Variants in TMC1 observed in about 807,000 individuals in gnomAD.
TMC1 encodes transmembrane channel like 1.
A neutral mutation model predicts 105.8 loss-of-function variants in TMC1; 84 were observed. The ratio of observed to expected loss-of-function variants is 0.79; its 90% CI spans 0.67 to 0.95. The LOEUF (loss-of-function observed/expected upper bound fraction) is 0.95. Among genes scored for constraint, TMC1 ranks in the 40% least tolerant of loss-of-function variants. TMC1 has a pLI of 0.00. For synonymous variants in TMC1, 315 were observed against 311.5 expected, an observed-to-expected ratio of 1.01 and a Z score of -0.12; for missense variants, 817 against 914.1, an observed-to-expected ratio of 0.89 and a Z score of 1.37.
intron 5 of TMC1, among the ~76,000 whole-genome samples, chr9:72,685,079 C>T (rs931656048): frequency 2.7e-5 from 4 of 150,328 alleles, no homozygotes. Flanking sequence ...TAATCTCAAA[C>T]CTTACTGTTA....
intron 8 of TMC1, among the ~76,000 whole-genome samples, chr9:72,716,528 C>G (rs1231544237): frequency 6.6e-6 from 1 of 152,148 alleles, no homozygotes; most frequent in Admixed American, 6.5e-5. Flanking sequence ...GAGCTTCGTC[C>G]AGTTTGAACT....
chr9:72,807,457 A>G (rs1828624097), intron 18 of TMC1, among the ~76,000 whole-genome samples: 1 of 152,224 alleles, frequency 6.6e-6, no homozygotes, highest in Admixed American at 6.5e-5. Flanking sequence ...CATGGTTTAC[A>G]ATATTCTAGT....
rs572692784 is a variant in TMC1 at position 72,688,840 on chromosome 9, T to A, written c.64+84T>A. ...AATTTATCCTCTTGTGGACTTGAGC[T>A]ACCATATGTAAGCAGAAGTGTGTGT... On this transcript the variant is annotated intron_variant, in intron 6 of 23. Coordinates refer to ENST00000297784, the MANE Select transcript of TMC1 (RefSeq NM_138691.3). The A allele has an allele frequency of 2.2e-5, 25 of 1,155,196 alleles. No individual in the cohort carries two copies. In the African/African-American group the frequency reaches 2.9e-4, roughly 14 times the overall value. The allele number at this position is 1,155,196 out of a possible 1,614,324, so 71.6% of individuals were successfully genotyped here. A position where few individuals can be genotyped will look rare whatever the true frequency, so the allele number is the denominator to read the frequency against.
intron 1 of TMC1, among the ~76,000 whole-genome samples, chr9:72,561,181 C>T (rs752952734): frequency 2.0e-5 from 3 of 151,906 alleles, no homozygotes; most frequent in Non-Finnish European, 4.4e-5. Context: ...ATTAGCCGGG[C>T]GTGGTGGTGG....
chr9:72,733,000 C>G (rs1192030960), intron 8 of TMC1, among the ~76,000 whole-genome samples: 1 of 152,122 alleles, frequency 6.6e-6, no homozygotes. Flanking sequence ...ATAACTCTCC[C>G]CAAATCACAC....
At chr9:72,823,129 T>A (rs535055269) in intron 20 of TMC1, among the ~76,000 whole-genome samples, 230 of 152,352 alleles carry the variant, frequency 1.5e-3, no homozygotes, top group Non-Finnish European at 2.8e-3. Flanking sequence ...CAGGGAATTT[T>A]AAATATTTTC....
intron 1 of TMC1, among the ~76,000 whole-genome samples, chr9:72,522,160 T>TTTGTTTTTG (rs1199359883): frequency 1.3e-5 from 2 of 150,164 alleles, no homozygotes; most frequent in African/African-American, 2.5e-5. Context: ...ATAAGTTTTT[T>TTTGTTTTTG]TTTTTTTGAG....
intron 8 of TMC1, among the ~76,000 whole-genome samples, chr9:72,702,743 G>A (rs1338030632): frequency 6.6e-6 from 1 of 151,946 alleles, no homozygotes; most frequent in East Asian, 1.9e-4. Flanking sequence ...AGGAAGTAAG[G>A]CATTTGACAA....
intron 13 of TMC1, among the ~76,000 whole-genome samples, chr9:72,774,899 C>G (rs1037673494): frequency 6.6e-6 from 1 of 152,196 alleles, no homozygotes; most frequent in African/African-American, 2.4e-5. Flanking sequence ...TTATGACATA[C>G]ATTACTCAAA....
intron 5 of TMC1, among the ~76,000 whole-genome samples, chr9:72,652,458 G>T (rs1825828225): frequency 6.6e-6 from 1 of 152,168 alleles, no homozygotes; most frequent in East Asian, 1.9e-4. Flanking sequence ...GCATTTAGAG[G>T]TGGGTGGAGG....
chr9:72,642,860 T>A (rs1430166997), intron 4 of TMC1, among the ~76,000 whole-genome samples: 1 of 152,204 alleles, frequency 6.6e-6, no homozygotes, highest in African/African-American at 2.4e-5. Context: ...AGAATAATTC[T>A]CTCGTCTCCC....
At chr9:72,625,643 G>A (rs905885894) in intron 3 of TMC1, among the ~76,000 whole-genome samples, 1 of 149,762 alleles carries the variant, frequency 6.7e-6, no homozygotes, top group African/African-American at 2.5e-5. Context: ...AGCTGAGATC[G>A]CGCCACTGTG....
chr9:72,837,387 C>G lies in TMC1; in HGVS notation c.*1414C>G, dbSNP rs1829142193. ...TAGTTTAACCACCACCTGACCATCA[C>G]CAAATGGTCACCTGACATTCCTGTG... On this transcript the variant is annotated 3_prime_UTR_variant, in exon 24 of 24. Transcript: ENST00000297784. 1 of 152,196 alleles carries G rather than the reference C, an allele frequency of 6.6e-6. No individual in the cohort carries two copies. The highest frequency in any genetic ancestry group is 2.4e-5 in the African/African-American group (1 of 41,444). 9.4% of individuals were successfully genotyped at this position (152,196 alleles called of 1,614,324 possible).
At chr9:72,824,663 G>A (rs966469849) in intron 20 of TMC1, among the ~76,000 whole-genome samples, 2 of 152,164 alleles carry the variant, frequency 1.3e-5, no homozygotes, top group Non-Finnish European at 2.9e-5. Context: ...AGTGTGTGCT[G>A]ACTGGTTTGT....
Position 72,754,807 on chromosome 9 carries a change from G to T in TMC1, c.664G>T (p.Gly222Cys). The T allele has an allele frequency of 6.2e-7, 1 of 1,613,958 alleles. No homozygotes were observed. ...ACAGTACCTCTGGGGTTTGCCATAT[G>T]GCAGTTTACCTAGGAAAACCGTTCC... ...LPEYLWGLPY[G>C]SLPRKTVPRA... Residue 222 changes from glycine (G) to cysteine (C), a missense_variant, in exon 12 of 24, where the codon GGC (glycine) becomes TGC (cysteine). Coordinates refer to ENST00000297784, the MANE Select transcript of TMC1 (RefSeq NM_138691.3).
At chr9:72,594,429 T>G (rs1041090708) in intron 2 of TMC1, among the ~76,000 whole-genome samples, 3 of 152,220 alleles carry the variant, frequency 2.0e-5, no homozygotes, top group African/African-American at 7.2e-5. Context: ...ATTTTCTTAT[T>G]CTGGTACAGG....
chr9:72,803,077 C>A (rs915235104), intron 17 of TMC1, among the ~76,000 whole-genome samples: 1 of 152,102 alleles, frequency 6.6e-6, no homozygotes, highest in East Asian at 1.9e-4. Flanking sequence ...GAAATAAGAT[C>A]ACAGACCTAC....
chr9:72,625,154 A>G (rs1275435187), intron 3 of TMC1, among the ~76,000 whole-genome samples: 1 of 152,180 alleles, frequency 6.6e-6, no homozygotes, highest in African/African-American at 2.4e-5. Flanking sequence ...GTGATGTCCA[A>G]GGCTAGTTTA....
At chr9:72,674,546 A>G (rs979634225) in intron 5 of TMC1, among the ~76,000 whole-genome samples, 1 of 152,240 alleles carries the variant, frequency 6.6e-6, no homozygotes, top group Non-Finnish European at 1.5e-5. Flanking sequence ...GTGGTTGCCA[A>G]CCACTAGCAG....
Sources: allele counts gnomAD v4.1 joint callset (sites outside exome capture counted in the v4.1 genomes callset), GRCh38; gene constraint gnomAD v4.1.1; transcripts MANE v1.5; gene names NCBI Gene and HGNC (gene_info 2026-07-23, HGNC 2026-07-21).